Variants in NBEAL1 observed in about 807,000 individuals in gnomAD.
The protein encoded by NBEAL1 is neurobeachin like 1.
A neutral mutation model predicts 351.3 loss-of-function variants in NBEAL1; 273 were observed. The ratio of observed to expected loss-of-function variants is 0.78; its 90% CI spans 0.70 to 0.86. The LOEUF (loss-of-function observed/expected upper bound fraction) is 0.86, where lower values mean the gene tolerates loss of function less well. Among genes scored for constraint, NBEAL1 ranks in the 40% least tolerant of loss-of-function variants. NBEAL1 has a pLI of 0.00. For synonymous variants in NBEAL1, 1,050 were observed against 1,086.4 expected, an observed-to-expected ratio of 0.97 and a Z score of 0.66; for missense variants, 2,961 against 3,201.3, an observed-to-expected ratio of 0.92 and a Z score of 1.81.
intron 7 of NBEAL1, among the ~76,000 whole-genome samples, chr2:203,068,837 G>T (rs1475160439): frequency 6.6e-6 from 1 of 152,020 alleles, no homozygotes; most frequent in Non-Finnish European, 1.5e-5. Context: ...TCAAGCAATT[G>T]TCCTGCCTCA....
chr2:203,120,050 C>G (rs923100140), intron 18 of NBEAL1, among the ~76,000 whole-genome samples: 2 of 151,894 alleles, frequency 1.3e-5, no homozygotes, highest in Non-Finnish European at 2.9e-5. Flanking sequence ...ATAAAAGTCT[C>G]TGTCTGTAAG....
intron 46 of NBEAL1, chr2:203,190,687 A>G (rs2065044874): frequency 2.9e-5 from 6 of 204,678 alleles, no homozygotes; most frequent in African/African-American, 4.6e-5. Flanking sequence ...TTAAGAATCA[A>G]ATTGCTCTCG....
chr2:203,211,096 G>C lies in NBEAL1; in HGVS notation c.7924G>C (p.Asp2642His). Residue 2642 changes from aspartate to histidine, a missense_variant, in exon 54 of 56, where the codon GAT becomes CAT. Physicochemically the swap from Asp to His is moderately conservative, Grantham distance 81. Coordinates refer to ENST00000683969, the MANE Select transcript of NBEAL1 (RefSeq NM_001378026.1). ...CATACAAGGATTCCTGTCTATAAGA[G>C]ATCTCCACAGGTAAATAATAAAAAC... ...GSIQGFLSIR[D>H]LHSLNLSINP... 6.3e-7 allele frequency: 1 copy of C among 1,583,436 alleles called. No homozygotes were observed. Among genetic ancestry groups the C allele is most frequent in the South Asian group, 1.2e-5 (1 of 83,360 alleles).
chr2:203,116,689 C>T (rs2062705915), intron 18 of NBEAL1, among the ~76,000 whole-genome samples: 1 of 146,670 alleles, frequency 6.8e-6, no homozygotes. Flanking sequence ...ACTTGGGAGG[C>T]AAAGGCGGGA....
intron 55 of NBEAL1, among the ~76,000 whole-genome samples, chr2:203,214,174 C>G (rs944471855): frequency 2.0e-5 from 3 of 152,186 alleles, no homozygotes; most frequent in Admixed American, 6.5e-5. Flanking sequence ...AAATCTAACT[C>G]TCACTCTTAG....
At chr2:203,019,401 G>T (rs1447402947) in intron 2 of NBEAL1, among the ~76,000 whole-genome samples, 1 of 152,190 alleles carries the variant, frequency 6.6e-6, no homozygotes, top group African/African-American at 2.4e-5. Context: ...TTTTCACAAT[G>T]ACTTAATTTA....
chr2:203,082,447 A>T (rs548704372), intron 8 of NBEAL1, among the ~76,000 whole-genome samples: 1 of 152,346 alleles, frequency 6.6e-6, no homozygotes, highest in Admixed American at 6.5e-5. Context: ...GCTAATTCAG[A>T]TAATTTTGCA....
intron 41 of NBEAL1, among the ~76,000 whole-genome samples, chr2:203,173,778 T>C (rs1447073566): frequency 2.0e-5 from 3 of 152,130 alleles, no homozygotes; most frequent in African/African-American, 7.2e-5. Flanking sequence ...CAAGTTGTTT[T>C]ACATTTTAGT....
At chr2:203,144,524 G>C in intron 31 of NBEAL1, 76 bp from the exon 32 acceptor site, 1 of 1,372,420 alleles carries the variant, frequency 7.3e-7, no homozygotes, top group Non-Finnish European at 1.0e-6. Flanking sequence ...TGAATCCACA[G>C]AGCCAGGCAG....
intron 4 of NBEAL1, among the ~76,000 whole-genome samples, chr2:203,051,981 A>C (rs1051366795): frequency 1.3e-5 from 2 of 152,178 alleles, no homozygotes; most frequent in African/African-American, 4.8e-5. Flanking sequence ...ATCTTACATT[A>C]GTATGATACA....
chr2:203,153,047 C>G (rs1450173826), intron 35 of NBEAL1, among the ~76,000 whole-genome samples: 1 of 152,068 alleles, frequency 6.6e-6, no homozygotes, highest in Non-Finnish European at 1.5e-5. Context: ...TCAACAACAA[C>G]AACAACAACA....
chr2:203,200,198 C>T lies in NBEAL1; in HGVS notation c.7238+751C>T, dbSNP rs2065354791. 2.6e-5 allele frequency among the ~76,000 whole-genome samples: 4 copies of T among 152,130 alleles called. No individual in the cohort carries two copies. In the South Asian group the frequency reaches 8.3e-4, roughly 32 times the overall value. ...TTCAAGACCAGCCTGGCCAACATGG[C>T]AAAACCCCGTCTCTACTAAAAATAC... On this transcript the variant is annotated intron_variant, in intron 49 of 55. Coordinates refer to ENST00000683969, the MANE Select transcript of NBEAL1 (RefSeq NM_001378026.1).
chr2:203,118,478 G>A (rs1559379018), intron 18 of NBEAL1, among the ~76,000 whole-genome samples: 1 of 152,034 alleles, frequency 6.6e-6, no homozygotes, highest in Non-Finnish European at 1.5e-5. Flanking sequence ...TTCTTGGCAG[G>A]AATTGTATCT....
At chr2:203,206,652 C>T (rs1050202098) in intron 51 of NBEAL1, among the ~76,000 whole-genome samples, 5 of 152,022 alleles carry the variant, frequency 3.3e-5, no homozygotes, top group South Asian at 4.2e-4. Context: ...AGCTCCTGAC[C>T]GCGAGTGATC....
At chr2:203,196,738 C>G (rs76571732) in intron 47 of NBEAL1, among the ~76,000 whole-genome samples, 69 of 152,322 alleles carry the variant, frequency 4.5e-4, no homozygotes, top group African/African-American at 1.6e-3. Flanking sequence ...TTGTGAACAA[C>G]TGTCACATCA....
At chr2:203,168,622 A>G (rs763719204) in intron 38 of NBEAL1, among the ~76,000 whole-genome samples, 1 of 151,916 alleles carries the variant, frequency 6.6e-6, no homozygotes, top group Non-Finnish European at 1.5e-5. Context: ...CTGGCTGGGT[A>G]CGATAGCTCA....
intron 10 of NBEAL1, among the ~76,000 whole-genome samples, chr2:203,091,601 T>C (rs2062065859): frequency 6.6e-6 from 1 of 152,226 alleles, no homozygotes; most frequent in Middle Eastern, 3.2e-3. Context: ...TGCACAAAGT[T>C]TTCAATGTCT....
intron 12 of NBEAL1, among the ~76,000 whole-genome samples, chr2:203,103,746 G>A (rs1421412018): frequency 6.6e-6 from 1 of 152,104 alleles, no homozygotes; most frequent in Admixed American, 6.6e-5. Context: ...GGCGTTTAGT[G>A]CTATAAATTT....
intron 51 of NBEAL1, among the ~76,000 whole-genome samples, chr2:203,207,405 G>C (rs1317050626): frequency 6.6e-6 from 1 of 152,234 alleles, no homozygotes; most frequent in Non-Finnish European, 1.5e-5. Context: ...CCCCGTCTGG[G>C]AGGTGTGCCC....
Sources: allele counts gnomAD v4.1 joint callset (sites outside exome capture counted in the v4.1 genomes callset), GRCh38; gene constraint gnomAD v4.1.1; transcripts MANE v1.5; gene names NCBI Gene and HGNC (gene_info 2026-07-23, HGNC 2026-07-21).